Variants in SPIN1 observed in about 807,000 individuals in gnomAD.
SPIN1 encodes the protein spindlin-1.
SPIN1 carries 3 observed loss-of-function variants against 26.0 expected under a neutral mutation model. That is an observed-to-expected ratio of 0.12 (90% CI 0.05 to 0.30). The LOEUF is 0.30. Among genes scored for constraint, SPIN1 ranks in the 10% least tolerant of loss-of-function variants. The probability of loss-of-function intolerance (pLI) is 1.00; values close to 1 mark genes in which losing one functional copy is unlikely to be tolerated. For synonymous variants in SPIN1, 101 were observed against 116.5 expected, an observed-to-expected ratio of 0.87 and a Z score of 0.86; for missense variants, 126 against 333.4, an observed-to-expected ratio of 0.38 and a Z score of 4.84.
chr9:88,474,705 C>A (rs1828854517), intron 5 of SPIN1, among the ~76,000 whole-genome samples: 1 of 152,060 alleles, frequency 6.6e-6, no homozygotes, highest in African/African-American at 2.4e-5. Context: ...AAACATGGGC[C>A]AAAGAAATTT....
chr9:88,418,467 C>T (rs1456554593), intron 1 of SPIN1, among the ~76,000 whole-genome samples: 2 of 152,188 alleles, frequency 1.3e-5, no homozygotes, highest in Non-Finnish European at 2.9e-5. Flanking sequence ...CTTCAGTTTA[C>T]ACTTGACATG....
intron 5 of SPIN1, among the ~76,000 whole-genome samples, chr9:88,473,082 T>C (rs890657078): frequency 2.6e-5 from 4 of 152,224 alleles, no homozygotes; most frequent in Admixed American, 6.5e-5. Flanking sequence ...GAATTTCTAC[T>C]TCTTCAATAC....
chr9:88,452,043 A>G (rs1313998668), intron 3 of SPIN1, among the ~76,000 whole-genome samples: 1 of 152,206 alleles, frequency 6.6e-6, no homozygotes, highest in African/African-American at 2.4e-5. Flanking sequence ...TATATTTTTC[A>G]CTAACTTAGA....
At chr9:88,457,616 A>T (rs550448008) in intron 3 of SPIN1, among the ~76,000 whole-genome samples, 1 of 152,278 alleles carries the variant, frequency 6.6e-6, no homozygotes, top group South Asian at 2.1e-4. Flanking sequence ...ATTGTCTGTA[A>T]TTTTAGATGG....
chr9:88,453,475 A>G (rs1828404304), intron 3 of SPIN1, among the ~76,000 whole-genome samples: 1 of 151,912 alleles, frequency 6.6e-6, no homozygotes, highest in Admixed American at 6.6e-5. Flanking sequence ...GGATCTTCAG[A>G]GGATTCACAT....
intron 1 of SPIN1, among the ~76,000 whole-genome samples, chr9:88,405,997 T>G (rs973759999): frequency 7.2e-6 from 1 of 138,840 alleles, no homozygotes; most frequent in African/African-American, 2.7e-5. Flanking sequence ...CGTGCCTGGC[T>G]TGTGTGTCTG....
At chr9:88,392,576 C>T (rs1826948771) in intron 1 of SPIN1, among the ~76,000 whole-genome samples, 1 of 151,770 alleles carries the variant, frequency 6.6e-6, no homozygotes, top group South Asian at 2.1e-4. Context: ...TACCTGTCTC[C>T]TCTCCTCTCC....
chr9:88,420,268 G>A (rs1331054148), intron 1 of SPIN1, among the ~76,000 whole-genome samples: 3 of 152,180 alleles, frequency 2.0e-5, no homozygotes. Context: ...CCAGCTCCTC[G>A]GAAGGCTTAG....
At chr9:88,441,227 C>T (rs912580165) in intron 2 of SPIN1, among the ~76,000 whole-genome samples, 4 of 151,640 alleles carry the variant, frequency 2.6e-5, no homozygotes, top group Non-Finnish European at 5.9e-5. Context: ...GTATATGGGA[C>T]GGGATGTGCC....
chr9:88,461,034 T>C (rs1057366338), intron 3 of SPIN1, among the ~76,000 whole-genome samples: 1 of 152,240 alleles, frequency 6.6e-6, no homozygotes, highest in Admixed American at 6.5e-5. Context: ...TACTTTCGTA[T>C]GTTGTCCAAC....
intron 2 of SPIN1, among the ~76,000 whole-genome samples, chr9:88,437,215 A>T (rs1828020586): frequency 6.6e-6 from 1 of 151,834 alleles, no homozygotes; most frequent in African/African-American, 2.4e-5. Flanking sequence ...AAGCTGCTAT[A>T]GGCCGGGGGT....
intron 2 of SPIN1, among the ~76,000 whole-genome samples, chr9:88,428,890 T>G (rs1827811668): frequency 6.6e-6 from 1 of 152,210 alleles, no homozygotes; most frequent in South Asian, 2.1e-4. Context: ...CTTTCTTTTT[T>G]AAAGAGACAG....
chr9:88,464,747 T>C (rs1828628895), intron 4 of SPIN1, among the ~76,000 whole-genome samples: 1 of 152,238 alleles, frequency 6.6e-6, no homozygotes, highest in Non-Finnish European at 1.5e-5. Flanking sequence ...AACTACTTTT[T>C]TTTTAATTGT....
At chr9:88,393,354 T>A (rs541797010) in intron 1 of SPIN1, among the ~76,000 whole-genome samples, 1 of 151,912 alleles carries the variant, frequency 6.6e-6, no homozygotes, top group Non-Finnish European at 1.5e-5. Context: ...TGCAAATGAT[T>A]TAACAAATCA....
At chr9:88,440,317 A>C (rs899962836) in intron 2 of SPIN1, among the ~76,000 whole-genome samples, 1 of 149,364 alleles carries the variant, frequency 6.7e-6, no homozygotes, top group Admixed American at 6.7e-5. Context: ...TTTTGTTTTT[A>C]ATTTTTTTTT....
At chr9:88,405,384 A>G (rs1428429701) in intron 1 of SPIN1, among the ~76,000 whole-genome samples, 2 of 147,060 alleles carry the variant, frequency 1.4e-5, no homozygotes, top group African/African-American at 2.5e-5. Flanking sequence ...ATGCGCCACC[A>G]TGCCCGGCTA....
At position 88,429,208 on chromosome 9, in the gene SPIN1, T is replaced by C. The variant is rs963307072; in HGVS notation, c.52+2617T>C. ...ATGTAATTCAATACAACACAGCACCTCTGGTCACCCAAATGTGGGAAGGGG... is the reference window on the plus strand; with the variant it reads ...ATGTAATTCAATACAACACAGCACCCCTGGTCACCCAAATGTGGGAAGGGG... On this transcript the variant is annotated intron_variant, in intron 2 of 5. Transcript: ENST00000375859. 4.6e-5 allele frequency among the ~76,000 whole-genome samples: 7 copies of C among 152,232 alleles called. No individual in the cohort carries two copies. In the South Asian group the frequency reaches 1.2e-3, roughly 27 times the overall value.
intron 1 of SPIN1, among the ~76,000 whole-genome samples, chr9:88,409,672 A>T (rs1456800924): frequency 6.6e-6 from 1 of 151,140 alleles, no homozygotes; most frequent in Admixed American, 6.6e-5. Context: ...TGTCTCTACT[A>T]AAATACAAAA....
chr9:88,462,688 T>C lies in SPIN1; in HGVS notation c.294T>C (p.Tyr98=). The stretch of plus-strand genomic sequence containing the variant: ...AATACGATGGATTTGACTGTGTTTA[T>C]GGACTAGAACTTAATAAAGATGAAA... ...LIKYDGFDCV[Y]GLELNKDERV... is the part of the protein sequence containing the mutation. Residue 98 remains tyrosine, a synonymous_variant, in exon 4 of 6, where the codon TAT becomes TAC. Transcript: ENST00000375859. 1 of 1,614,212 alleles carries C rather than the reference T, an allele frequency of 6.2e-7. No individual in the cohort carries two copies.
Sources: gnomAD v4.1 joint callset for allele counts (sites outside exome capture counted in the v4.1 genomes callset) on GRCh38, gnomAD v4.1.1 for gene constraint, MANE v1.5 for transcripts, NCBI Gene and HGNC (gene_info 2026-07-23, HGNC 2026-07-21) for gene names.